Variants in LRRC4C observed in about 807,000 individuals in gnomAD.
The protein encoded by LRRC4C is leucine rich repeat containing 4C.
A neutral mutation model predicts 33.6 loss-of-function variants in LRRC4C; 5 were observed. That is an observed-to-expected ratio of 0.15 (90% CI 0.08 to 0.31). The LOEUF (loss-of-function observed/expected upper bound fraction) is 0.31, where lower values mean the gene tolerates loss of function less well. LRRC4C is among the 10% of genes least tolerant of loss of function. LRRC4C has a pLI of 1.00. For missense variants in LRRC4C, 560 were observed against 796.7 expected (o/e 0.70, Z 3.58); for synonymous variants, 329 against 302.0 (o/e 1.09, Z -0.93).
At chr11:41,153,186 T>C (rs1050278945) in intron 1 of LRRC4C, among the ~76,000 whole-genome samples, 1 of 152,162 alleles carries the variant, frequency 6.6e-6, no homozygotes, top group African/African-American at 2.4e-5. Flanking sequence ...AAGAATCTGA[T>C]TAAAACTGTC....
intron 3 of LRRC4C, among the ~76,000 whole-genome samples, chr11:40,495,516 A>G (rs1040693201): frequency 3.3e-5 from 5 of 152,180 alleles, no homozygotes; most frequent in African/African-American, 1.2e-4. Flanking sequence ...AAGTTCCCCA[A>G]GTTGAGATAT....
intron 1 of LRRC4C, among the ~76,000 whole-genome samples, chr11:41,159,468 A>G (rs949116629): frequency 6.6e-6 from 1 of 152,146 alleles, no homozygotes; most frequent in Non-Finnish European, 1.5e-5. Flanking sequence ...GAATTGACCC[A>G]GAAGACACAC....
chr11:40,240,696 T>C (rs1475856380), intron 5 of LRRC4C, among the ~76,000 whole-genome samples: 1 of 152,192 alleles, frequency 6.6e-6, no homozygotes, highest in African/African-American at 2.4e-5. Context: ...AACTAAAACC[T>C]ATATGGGCAT....
At chr11:41,384,569 G>C (rs1486896068) in intron 1 of LRRC4C, among the ~76,000 whole-genome samples, 3 of 151,336 alleles carry the variant, frequency 2.0e-5, no homozygotes, top group Non-Finnish European at 3.0e-5. Context: ...AATCTCCTGG[G>C]TGTTAAATAT....
intron 2 of LRRC4C, among the ~76,000 whole-genome samples, chr11:40,926,449 T>G (rs1476241829): frequency 6.6e-6 from 1 of 152,260 alleles, no homozygotes; most frequent in Admixed American, 6.5e-5. Flanking sequence ...CATTGTCATC[T>G]ATCAGATTGG....
At chr11:40,483,848 G>GA (rs1477564896) in intron 3 of LRRC4C, among the ~76,000 whole-genome samples, 2 of 151,100 alleles carry the variant, frequency 1.3e-5, no homozygotes, top group Non-Finnish European at 2.9e-5. Flanking sequence ...TTTGTGAAGA[G>GA]AAAAAATCCA....
chr11:41,236,178 A>T (rs573152554), intron 1 of LRRC4C, among the ~76,000 whole-genome samples: 1 of 152,076 alleles, frequency 6.6e-6, no homozygotes, highest in Non-Finnish European at 1.5e-5. Context: ...TTCACCTTCC[A>T]TCTAGTGACT....
intron 2 of LRRC4C, among the ~76,000 whole-genome samples, chr11:40,686,332 C>T (rs535373192): frequency 6.6e-6 from 1 of 152,172 alleles, no homozygotes; most frequent in Non-Finnish European, 1.5e-5. Flanking sequence ...ACAGAGGAAG[C>T]TCAGTGTGTG....
intron 2 of LRRC4C, among the ~76,000 whole-genome samples, chr11:40,903,621 T>C (rs1248050833): frequency 6.6e-6 from 1 of 152,154 alleles, no homozygotes; most frequent in Non-Finnish European, 1.5e-5. Flanking sequence ...GGTCAAACTA[T>C]CAACATTAAT....
chr11:41,076,090 C>T (rs929765365), intron 1 of LRRC4C, among the ~76,000 whole-genome samples: 1 of 152,170 alleles, frequency 6.6e-6, no homozygotes, highest in African/African-American at 2.4e-5. Context: ...CATAGATGAT[C>T]TCGTCCAATC....
chr11:40,522,098 C>T (rs1955840328), intron 3 of LRRC4C, among the ~76,000 whole-genome samples: 1 of 152,164 alleles, frequency 6.6e-6, no homozygotes. Flanking sequence ...TCTCGGCCCA[C>T]TGCAACCTCT....
intron 3 of LRRC4C, among the ~76,000 whole-genome samples, chr11:40,431,819 G>A (rs1950947473): frequency 6.6e-6 from 1 of 152,184 alleles, no homozygotes; most frequent in African/African-American, 2.4e-5. Context: ...TTGAATATGT[G>A]TAGAGTTGGG....
chr11:40,631,307 G>T (rs143520318), intron 3 of LRRC4C, among the ~76,000 whole-genome samples: 2 of 152,154 alleles, frequency 1.3e-5, no homozygotes, highest in Non-Finnish European at 2.9e-5. Context: ...CTGGAGATGT[G>T]TCTGGCATGG....
chr11:41,424,198 G>A (rs2958838), intron 1 of LRRC4C, among the ~76,000 whole-genome samples: 38,116 of 151,934 alleles, frequency 0.25, 6,036 homozygotes, highest in East Asian at 0.57. Context: ...CCTAGATGCT[G>A]AAGTGGGCCA....
intron 3 of LRRC4C, among the ~76,000 whole-genome samples, chr11:40,365,646 A>G (rs1052344729): frequency 6.6e-6 from 1 of 152,022 alleles, no homozygotes; most frequent in Admixed American, 6.6e-5. Context: ...AAACAATAGT[A>G]TGTTACAAGA....
chr11:40,534,260 A>G (rs1956386051), intron 3 of LRRC4C, among the ~76,000 whole-genome samples: 1 of 152,162 alleles, frequency 6.6e-6, no homozygotes, highest in Non-Finnish European at 1.5e-5. Flanking sequence ...CATTGTTACT[A>G]TAATTACCCA....
At chr11:40,811,907 G>A (rs1437892929) in intron 2 of LRRC4C, among the ~76,000 whole-genome samples, 2 of 152,150 alleles carry the variant, frequency 1.3e-5, no homozygotes, top group Admixed American at 6.5e-5. Flanking sequence ...GAGGATAATA[G>A]CAACTCTGCC....
intron 1 of LRRC4C, among the ~76,000 whole-genome samples, chr11:41,391,767 T>C (rs945655602): frequency 6.6e-6 from 1 of 152,056 alleles, no homozygotes; most frequent in Non-Finnish European, 1.5e-5. Flanking sequence ...TAGATACTTA[T>C]TGGCTATCTG....
At chr11:40,594,474 T>C (rs559442324) in intron 3 of LRRC4C, among the ~76,000 whole-genome samples, 25 of 152,234 alleles carry the variant, frequency 1.6e-4, no homozygotes, top group Non-Finnish European at 3.2e-4. Flanking sequence ...CTGCTTCTGA[T>C]GCCTCCCTAA....
Sources: allele counts gnomAD v4.1 joint callset (sites outside exome capture counted in the v4.1 genomes callset), GRCh38; gene constraint gnomAD v4.1.1; transcripts MANE v1.5; gene names NCBI Gene and HGNC (gene_info 2026-07-23, HGNC 2026-07-21).